The following GNA12 variants were observed in gnomAD, a reference collection of about 807,000 sequenced individuals.
The protein encoded by GNA12 is G protein subunit alpha 12, also known as guanine nucleotide-binding protein subunit alpha-12.
A neutral mutation model predicts 26.0 loss-of-function variants in GNA12; 9 were observed. The observed-to-expected ratio is 0.35, with a 90% CI of 0.21 to 0.60. GNA12 has a LOEUF of 0.60. Among genes scored for constraint, GNA12 ranks in the 20% least tolerant of loss-of-function variants. GNA12 has a pLI of 0.78. For missense variants in GNA12, 405 were observed against 525.8 expected (o/e 0.77, Z 2.25); for synonymous variants, 264 against 219.6 (o/e 1.20, Z -1.79).
At position 2,843,993 on chromosome 7, in the gene GNA12, G is replaced by A. The variant is rs1395577526; in HGVS notation, c.169C>T (p.Leu57=). Residue 57 remains leucine, a synonymous_variant, in exon 1 of 4, where the codon CTG becomes TTG. Coordinates refer to ENST00000275364, the MANE Select transcript of GNA12 (RefSeq NM_007353.3). The stretch of plus-strand genomic sequence containing the variant: ...GCGCCCAGCAGCAGGATCTTCACCA[G>A]GCGCCGGACCGCGCGCCGCTCGCGG... The part of the protein sequence containing the change: ...LARERRAVRR[L]VKILLLGAGE... 4 of 1,556,750 alleles carry A rather than the reference G, an allele frequency of 2.6e-6. No homozygotes were observed. The highest frequency in any genetic ancestry group is 3.5e-6 in the Non-Finnish European group (4 of 1,153,016).
chr7:2,754,582 TA>T (rs34822125), intron 2 of GNA12, among the ~76,000 whole-genome samples: 45,744 of 143,304 alleles, frequency 0.32, 6,954 homozygotes, highest in Middle Eastern at 0.41. Flanking sequence ...ATCTCTACTT[TA>T]AAAAAAAAAA....
intron 2 of GNA12, among the ~76,000 whole-genome samples, chr7:2,761,721 A>T (rs1791564374): frequency 6.6e-6 from 1 of 152,220 alleles, no homozygotes; most frequent in Non-Finnish European, 1.5e-5. Flanking sequence ...TGCTTAAAAA[A>T]CAATGAAGAG....
At position 2,731,721 on chromosome 7, in the gene GNA12, C is replaced by A; in HGVS notation, c.606G>T (p.Leu202=). The change falls in exon 4 of 4, where the codon CTG becomes CTT. Residue 202 remains leucine (L), a synonymous_variant. Coordinates refer to ENST00000275364, the MANE Select transcript of GNA12 (RefSeq NM_007353.3). This position sits in a 1 kb window ranked among gnomAD's most constrained non-coding sequence, Gnocchi z 6.0. The part of the protein sequence containing the change: ...LNYFPSKQDI[L]LARKATKGIV... The stretch of plus-strand genomic sequence containing the variant: ...TTCCCTTGGTGGCTTTCCTAGCCAG[C>A]AGGATATCTTGCTTACTAGGAAAGT... The A allele has an allele frequency of 6.4e-7, 1 of 1,561,324 alleles. No homozygotes were observed. Among genetic ancestry groups the A allele is most frequent in the South Asian group, 1.2e-5 (1 of 85,020 alleles).
At chr7:2,815,218 G>C in intron 1 of GNA12, 1 of 360,228 alleles carries the variant, frequency 2.8e-6, no homozygotes, top group Non-Finnish European at 5.2e-6. Context: ...TCTCAAGGAG[G>C]AAGCCAGTCA....
rs183398605 is a variant in GNA12, at chr7:2,738,271, T to G, written c.526-4770A>C. Among the ~76,000 whole-genome samples the G allele has an allele frequency of 6.1e-4, 88 of 144,320 alleles. No individual in the cohort carries two copies. In the East Asian group the frequency reaches 0.016, roughly 26 times the overall value. The allele number at this position is 144,320 out of a possible 152,430, so 94.7% of individuals were successfully genotyped here. On this transcript the variant is annotated intron_variant, in intron 2 of 3. Coordinates refer to ENST00000275364, the MANE Select transcript of GNA12 (RefSeq NM_007353.3). ...CTGTACTAAAAATACAAAAACAGAG[T>G]GAGGCTCCATCTAAAAAAAAAAAAA...
intron 1 of GNA12, among the ~76,000 whole-genome samples, chr7:2,841,963 G>A (rs1384041735): frequency 7.2e-6 from 1 of 139,012 alleles, no homozygotes; most frequent in Non-Finnish European, 1.6e-5. Flanking sequence ...AATGGGCTGG[G>A]GAAAAAGTGG....
intron 2 of GNA12, among the ~76,000 whole-genome samples, chr7:2,734,841 G>A (rs1341178060): frequency 1.3e-5 from 2 of 152,260 alleles, no homozygotes; most frequent in East Asian, 1.9e-4. Context: ...CGTGACCACC[G>A]GCTCTCTAGA....
Position 2,779,377 on chromosome 7 carries a change from G to A in GNA12, c.525+15551C>T, listed in dbSNP as rs1468054859. Reference sequence around the variant, plus strand: ...ATAAATAAATAAGTTGGGTGTGGTGGTGCACACCGGTAGTTCTAGTTACTC... The same window carrying A: ...ATAAATAAATAAGTTGGGTGTGGTGATGCACACCGGTAGTTCTAGTTACTC... On this transcript the variant is annotated intron_variant, in intron 2 of 3. Coordinates refer to ENST00000275364, the MANE Select transcript of GNA12 (RefSeq NM_007353.3). Among the ~76,000 whole-genome samples, 7 of 151,978 alleles carry A rather than the reference G, an allele frequency of 4.6e-5. No homozygotes were observed. The East Asian group carries it at 1.4e-3, about 29-fold the overall frequency.
chr7:2,785,833 G>A (rs764886413), intron 2 of GNA12, among the ~76,000 whole-genome samples: 1 of 152,156 alleles, frequency 6.6e-6, no homozygotes, highest in Admixed American at 6.5e-5. Context: ...GATCACCTGA[G>A]TTCAGGAGTT....
intron 1 of GNA12, among the ~76,000 whole-genome samples, chr7:2,836,841 T>A (rs1304854911): frequency 6.6e-6 from 1 of 152,094 alleles, no homozygotes; most frequent in African/African-American, 2.4e-5. Context: ...GGAGAATCGC[T>A]TGAACCTGGG....
intron 1 of GNA12, among the ~76,000 whole-genome samples, chr7:2,795,668 A>G (rs891380184): frequency 5.9e-5 from 9 of 151,714 alleles, no homozygotes; most frequent in Non-Finnish European, 1.2e-4. Flanking sequence ...AAAAGAAAAC[A>G]GATGTACATA....
At chr7:2,836,078 GA>G (rs1562451450) in intron 1 of GNA12, 3 of 241,972 alleles carry the variant, frequency 1.2e-5, no homozygotes, top group East Asian at 1.4e-4. Context: ...TATTGTTTAA[GA>G]AAAAAAGAAT....
intron 1 of GNA12, among the ~76,000 whole-genome samples, chr7:2,822,941 T>TG (rs1793401320): frequency 6.6e-6 from 1 of 152,204 alleles, no homozygotes; most frequent in African/African-American, 2.4e-5. Flanking sequence ...GCTCCCTAGA[T>TG]TCACTATCAG....
At chr7:2,821,671 C>T (rs1305136084) in intron 1 of GNA12, among the ~76,000 whole-genome samples, 1 of 152,174 alleles carries the variant, frequency 6.6e-6, no homozygotes, top group Non-Finnish European at 1.5e-5. Context: ...TTTCCTCCAC[C>T]TTAGCAAGAC....
intron 1 of GNA12, among the ~76,000 whole-genome samples, chr7:2,842,103 G>A (rs1363396242): frequency 1.0e-5 from 1 of 97,812 alleles, no homozygotes; most frequent in Non-Finnish European, 2.4e-5. Context: ...GGAAGGAAAG[G>A]AAGGAAGGGA....
Position 2,782,781 on chromosome 7 carries a change from C to T in GNA12, c.525+12147G>A, listed in dbSNP as rs150713474. Among the ~76,000 whole-genome samples, 269 of 152,076 alleles carry T rather than the reference C, an allele frequency of 1.8e-3. 1 individual carries two copies. The highest frequency in any genetic ancestry group is 0.01 in the Middle Eastern group (3 of 294). ...TTTCTTCCTGTGACTCAGTGTTAAA[C>T]GTGCATTACACCTTCTGACCCCATC... On this transcript the variant is annotated intron_variant, in intron 2 of 3. Coordinates refer to ENST00000275364, the MANE Select transcript of GNA12 (RefSeq NM_007353.3).
chr7:2,829,089 GAAA>G (rs1793545837), intron 1 of GNA12, among the ~76,000 whole-genome samples: 1 of 150,092 alleles, frequency 6.7e-6, no homozygotes, highest in Admixed American at 6.7e-5. Context: ...AAAAAAAAAA[GAAA>G]AGAAAAAAGA....
At chr7:2,797,060 G>A (rs1192891940) in intron 1 of GNA12, among the ~76,000 whole-genome samples, 1 of 152,200 alleles carries the variant, frequency 6.6e-6, no homozygotes, top group Non-Finnish European at 1.5e-5. Flanking sequence ...TCATCTCAGA[G>A]CAATCTGAGG....
rs535681947 is a variant in GNA12, at chr7:2,731,576, T to A, written c.751A>T (p.Met251Leu). Residue 251 changes from methionine to leucine, a missense_variant, in exon 4 of 4, where the codon ATG becomes TTG. Met to Leu is a conservative substitution (Grantham distance 15). Transcript: ENST00000275364. This position sits in a 1 kb window ranked among gnomAD's most constrained non-coding sequence, Gnocchi z 6.0. ...TGGTCGTACTCGCTGGAGGAGACCA[T>A]GAACAGGATGGACGTGATCCCGTCG... ...CFDGITSILF[M>L]VSSSEYDQVL... 1 of 1,613,018 alleles carries A rather than the reference T, an allele frequency of 6.2e-7. No individual in the cohort carries two copies. Among genetic ancestry groups the A allele is most frequent in the African/African-American group, 1.3e-5 (1 of 75,008 alleles).
Sources: gnomAD v4.1 joint callset for allele counts (sites outside exome capture counted in the v4.1 genomes callset) on GRCh38, gnomAD v4.1.1 for gene constraint, Gnocchi (gnomAD v3.1) non-coding constraint, MANE v1.5 for transcripts, NCBI Gene and HGNC (gene_info 2026-07-23, HGNC 2026-07-21) for gene names.